Variants in SLC16A5 observed in about 807,000 individuals in gnomAD.
SLC16A5 encodes the protein solute carrier family 16 member 5, also known as monocarboxylate transporter 6.
Under a neutral mutation model 33.2 loss-of-function variants are expected in SLC16A5, and 29 were observed. The observed-to-expected ratio is 0.87, with a 90% CI of 0.65 to 1.19. The LOEUF is 1.19. Among genes scored for constraint, SLC16A5 ranks in the 50% most tolerant of loss-of-function variants. The probability of loss-of-function intolerance (pLI) is 0.00; values close to 1 mark genes in which losing one functional copy is unlikely to be tolerated. For synonymous variants in SLC16A5, 248 were observed against 284.1 expected (o/e 0.87, Z 1.28); for missense variants, 606 against 678.2 (o/e 0.89, Z 1.18).
chr17:75,093,148 C>T, intron 2 of SLC16A5: 1 of 487,018 alleles, frequency 2.1e-6, no homozygotes, highest in Non-Finnish European at 3.7e-6. Context: ...ATGCAGGAAC[C>T]CTGGGCAGGA....
downstream of SLC16A5, among the ~76,000 whole-genome samples, chr17:75,109,734 G>T (rs2073891644): frequency 6.6e-6 from 1 of 152,244 alleles, no homozygotes; most frequent in Admixed American, 6.5e-5. The surrounding 1 kb of genome is among the most constrained non-coding windows in gnomAD (Gnocchi z 5.0). Flanking sequence ...CTTGCGTTCA[G>T]ATTTTGCAGT....
intron 6 of SLC16A5, chr17:75,105,109 C>A (rs4789140): frequency 0.62 from 612,860 of 985,316 alleles, 199,508 homozygotes; most frequent in South Asian, 0.68. Flanking sequence ...GTCATTGGGC[C>A]TCGCACTGGG....
chr17:75,103,354 G>C (rs1226480244), intron 5 of SLC16A5, among the ~76,000 whole-genome samples: 1 of 144,330 alleles, frequency 6.9e-6, no homozygotes, highest in Non-Finnish European at 1.5e-5. Context: ...TTTTTTAATG[G>C]AGTCTCACTC....
chr17:75,087,702 C>G (rs976486801), upstream of SLC16A5: 13 of 152,406 alleles, frequency 8.5e-5, no homozygotes, highest in African/African-American at 2.6e-4. Flanking sequence ...AAGCCCGGGG[C>G]CCTAGACCCT....
intron 6 of SLC16A5, chr17:75,105,548 C>T: frequency 1.0e-6 from 1 of 985,364 alleles, no homozygotes; most frequent in Non-Finnish European, 1.2e-6. Context: ...GACTGGCGGT[C>T]CAAGCTCCCC....
At chr17:75,098,231 C>T (rs748156373) in intron 4 of SLC16A5, 50 bp downstream of exon 4, 5 of 1,608,334 alleles carry the variant, frequency 3.1e-6, no homozygotes, top group Non-Finnish European at 4.2e-6. Context: ...TAGAAAGTGC[C>T]AGGCACAAGT....
downstream of SLC16A5, among the ~76,000 whole-genome samples, chr17:75,108,620 G>C (rs546222046): frequency 1.3e-5 from 2 of 152,274 alleles, no homozygotes; most frequent in South Asian, 4.1e-4. Context: ...TATCTATTTG[G>C]GCATAGGGCA....
intron 6 of SLC16A5, chr17:75,105,089 C>G (rs1196917138): frequency 1.0e-6 from 1 of 985,210 alleles, no homozygotes; most frequent in Non-Finnish European, 1.2e-6. Context: ...TGCAGCTGCC[C>G]CCAGTGAAGG....
At chr17:75,106,860 A>G (rs1316330317), downstream of SLC16A5, among the ~76,000 whole-genome samples, 1 of 152,128 alleles carries the variant, frequency 6.6e-6, no homozygotes, top group African/African-American at 2.4e-5. Context: ...ACGCCACTGC[A>G]CTACAGCCTG....
chr17:75,089,571 T>C (rs1262837248), intron 2 of SLC16A5, among the ~76,000 whole-genome samples: 9 of 151,808 alleles, frequency 5.9e-5, no homozygotes, highest in African/African-American at 2.2e-4. Context: ...CTGGCCGATA[T>C]GGTGAAACCC....
At chr17:75,092,518 G>C (rs191900045) in intron 2 of SLC16A5, among the ~76,000 whole-genome samples, 7 of 152,158 alleles carry the variant, frequency 4.6e-5, no homozygotes, top group Non-Finnish European at 8.8e-5. Context: ...GTAGAGACGG[G>C]GTTTCACCAC....
At chr17:75,091,184 G>C (rs2073632905) in intron 2 of SLC16A5, among the ~76,000 whole-genome samples, 1 of 152,112 alleles carries the variant, frequency 6.6e-6, no homozygotes, top group East Asian at 1.9e-4. Flanking sequence ...GAAGAGGTGA[G>C]AGTATCAAGT....
Position 75,100,709 on chromosome 17 carries a change from T to C in SLC16A5, c.1046T>C (p.Ile349Thr). 2 of 1,614,172 alleles carry C rather than the reference T, an allele frequency of 1.2e-6. No homozygotes were observed. The highest frequency in any genetic ancestry group is 8.5e-7 in the Non-Finnish European group (1 of 1,180,026). The change falls in exon 5 of 7, where the codon ATC becomes ACC. Residue 349 changes from isoleucine to threonine, a missense_variant. Physicochemically the swap from Ile to Thr is moderately conservative, Grantham distance 89. Coordinates refer to ENST00000329783, the MANE Select transcript of SLC16A5 (RefSeq NM_004695.4). ...TCCATGAGTGGCATCGGCGCCCTCA[T>C]CTTCCAGGTTCTCATGGACATCGTC... Reference protein sequence around the residue: ...SVSMSGIGALIFQVLMDIVPM... With the variant: ...SVSMSGIGALTFQVLMDIVPM...
rs761466707 is a variant in SLC16A5, at chr17:75,091,894, G to A, written c.-48-1695G>A. Among the ~76,000 whole-genome samples, 4 of 152,280 alleles carry A rather than the reference G, an allele frequency of 2.6e-5. No homozygotes were observed. The East Asian group carries it at 7.7e-4, about 29-fold the overall frequency. ...AGGATAGGAGGGGGTTGAAAAAGGGGTCCAAACTTGGTGAGGGGACCTTGG... is the reference window on the plus strand; with the variant it reads ...AGGATAGGAGGGGGTTGAAAAAGGGATCCAAACTTGGTGAGGGGACCTTGG... On this transcript the variant is annotated intron_variant, in intron 2 of 6. Transcript: ENST00000329783.
intron 4 of SLC16A5, 39 bp from the exon 5 acceptor site, chr17:75,099,968 C>T (rs749705348): frequency 6.4e-7 from 1 of 1,567,974 alleles, no homozygotes; most frequent in Non-Finnish European, 8.6e-7. Flanking sequence ...TGGAAGGCCC[C>T]AGTGCGCCTC....
chr17:75,104,301 G>A, intron 6 of SLC16A5, 121 bp downstream of exon 6: 1 of 1,495,888 alleles, frequency 6.7e-7, no homozygotes, highest in South Asian at 1.3e-5. Context: ...TCCTTCACCA[G>A]GGGCTTGGGT....
intron 2 of SLC16A5, among the ~76,000 whole-genome samples, chr17:75,092,338 T>C (rs977815994): frequency 1.3e-5 from 2 of 151,902 alleles, no homozygotes; most frequent in South Asian, 2.1e-4. Flanking sequence ...CTCTGGACTT[T>C]TTTGAGTGTC....
intron 3 of SLC16A5, among the ~76,000 whole-genome samples, chr17:75,094,596 G>A (rs1490913627): frequency 6.6e-6 from 1 of 151,524 alleles, no homozygotes; most frequent in Non-Finnish European, 1.5e-5. Flanking sequence ...TGAGGCAGGA[G>A]AATCTCTTGA....
chr17:75,091,459 C>T (rs1266432194), intron 2 of SLC16A5, among the ~76,000 whole-genome samples: 2 of 152,162 alleles, frequency 1.3e-5, no homozygotes, highest in African/African-American at 4.8e-5. Flanking sequence ...AAGCAGTGCT[C>T]CGCCTTGCAC....
Sources: gnomAD v4.1 joint callset for allele counts (sites outside exome capture counted in the v4.1 genomes callset) on GRCh38, gnomAD v4.1.1 for gene constraint, Gnocchi (gnomAD v3.1) non-coding constraint, MANE v1.5 for transcripts, NCBI Gene and HGNC (gene_info 2026-07-23, HGNC 2026-07-21) for gene names.